Variants in CORIN observed in about 807,000 individuals in gnomAD.
The protein encoded by CORIN is corin, serine peptidase.
A neutral mutation model predicts 125.3 loss-of-function variants in CORIN; 117 were observed. That is an observed-to-expected ratio of 0.93 (90% CI 0.80 to 1.09). CORIN has a LOEUF of 1.09. Ranked by LOEUF, CORIN falls within the 50% of genes least tolerant of loss-of-function variation. The pLI is 0.00. For synonymous variants in CORIN, 450 were observed against 466.4 expected (o/e 0.96, Z 0.45); for missense variants, 1,253 against 1,306.7 (o/e 0.96, Z 0.63).
At chr4:47,763,664 A>C in intron 3 of CORIN, 78 bp from the exon 4 acceptor site, 1 of 1,314,514 alleles carries the variant, frequency 7.6e-7, no homozygotes, top group South Asian at 1.3e-5. Context: ...ATATTTGTTT[A>C]TAAGATAAAG....
chr4:47,814,505 A>G (rs570247954), intron 1 of CORIN, among the ~76,000 whole-genome samples: 1 of 152,176 alleles, frequency 6.6e-6, no homozygotes, highest in African/African-American at 2.4e-5. Flanking sequence ...CTCTGTTCTT[A>G]AGAAATTATG....
At chr4:47,624,094 A>T in intron 17 of CORIN, 146 bp from the exon 18 acceptor site, 1 of 685,200 alleles carries the variant, frequency 1.5e-6, no homozygotes, top group Non-Finnish European at 2.5e-6. Flanking sequence ...ACCACAGGAA[A>T]GCACATTCCT....
intron 1 of CORIN, among the ~76,000 whole-genome samples, chr4:47,815,979 A>G (rs1046681187): frequency 6.6e-6 from 1 of 152,188 alleles, no homozygotes; most frequent in Non-Finnish European, 1.5e-5. Context: ...CACTAATCCT[A>G]TAACAATGGA....
intron 15 of CORIN, chr4:47,642,741 A>G (rs1723286045): frequency 3.3e-6 from 3 of 898,816 alleles, no homozygotes; most frequent in East Asian, 5.4e-5. Context: ...AGACAGTTAG[A>G]AGTCTTGGAC....
chr4:47,717,735 G>T (rs764100963), intron 5 of CORIN, among the ~76,000 whole-genome samples: 1 of 152,094 alleles, frequency 6.6e-6, no homozygotes, highest in Non-Finnish European at 1.5e-5. Flanking sequence ...CCTCTAAAGG[G>T]CATAGCACAG....
intron 16 of CORIN, among the ~76,000 whole-genome samples, chr4:47,629,065 T>C (rs1480027405): frequency 2.0e-5 from 3 of 152,188 alleles, no homozygotes; most frequent in Non-Finnish European, 2.9e-5. Context: ...AGAAGTGGGA[T>C]TGATGGATCA....
intron 12 of CORIN, among the ~76,000 whole-genome samples, chr4:47,657,549 A>G (rs959994026): frequency 5.3e-5 from 8 of 151,668 alleles, no homozygotes; most frequent in African/African-American, 1.9e-4. Flanking sequence ...AAAAAAAAAA[A>G]AAAAGAAAAA....
chr4:47,706,725 C>T lies in CORIN; in HGVS notation c.800-13642G>A, dbSNP rs1417752009. Reference sequence around the variant, plus strand: ...TGTGGGGCTCTGGGAGTCCTGAATTCTTACTGGGTTGGTGAAGATTCCACA... The same window carrying T: ...TGTGGGGCTCTGGGAGTCCTGAATTTTTACTGGGTTGGTGAAGATTCCACA... On this transcript the variant is annotated intron_variant, in intron 5 of 21. Transcript: ENST00000273857. 54 of 1,604,662 alleles carry T rather than the reference C, an allele frequency of 3.4e-5. No homozygotes were observed. The South Asian group carries it at 5.5e-4, about 16-fold the overall frequency.
chr4:47,782,105 C>A (rs1057319766), intron 3 of CORIN, among the ~76,000 whole-genome samples: 2 of 151,986 alleles, frequency 1.3e-5, no homozygotes, highest in African/African-American at 4.8e-5. Flanking sequence ...TGAAAGAAGG[C>A]CAGGCGCAGT....
chr4:47,695,658 T>A (rs993842496), intron 5 of CORIN, among the ~76,000 whole-genome samples: 4 of 152,222 alleles, frequency 2.6e-5, no homozygotes, highest in African/African-American at 9.7e-5. Flanking sequence ...GTTACTGTAT[T>A]CTTGTTCTTT....
intron 1 of CORIN, among the ~76,000 whole-genome samples, chr4:47,833,916 C>A (rs1270763455): frequency 6.6e-6 from 1 of 151,998 alleles, no homozygotes; most frequent in Non-Finnish European, 1.5e-5. Flanking sequence ...GTGTTGGATG[C>A]CAAGAAAATG....
chr4:47,629,215 C>G (rs1290492966), intron 16 of CORIN, among the ~76,000 whole-genome samples: 1 of 152,110 alleles, frequency 6.6e-6, no homozygotes, highest in East Asian at 1.9e-4. Flanking sequence ...TATGTTTTCT[C>G]TTTTTGATGA....
intron 19 of CORIN, among the ~76,000 whole-genome samples, chr4:47,617,414 GC>G (rs1028635208): frequency 5.3e-5 from 8 of 152,164 alleles, no homozygotes; most frequent in African/African-American, 1.9e-4. Flanking sequence ...GTTTCTGAAA[GC>G]CCCCCAAAAC....
chr4:47,732,751 G>A (rs904595189), intron 5 of CORIN, among the ~76,000 whole-genome samples: 5 of 151,980 alleles, frequency 3.3e-5, no homozygotes, highest in African/African-American at 1.2e-4. Context: ...TAGTAGAGAC[G>A]CGGTTTCACT....
chr4:47,820,059 G>T (rs899967745), intron 1 of CORIN, among the ~76,000 whole-genome samples: 2 of 152,052 alleles, frequency 1.3e-5, no homozygotes, highest in African/African-American at 4.8e-5. Context: ...GCCTGACTCC[G>T]GAAAGTGTCA....
At chr4:47,706,025 C>T (rs1049828741) in intron 5 of CORIN, among the ~76,000 whole-genome samples, 1 of 152,188 alleles carries the variant, frequency 6.6e-6, no homozygotes, top group Admixed American at 6.5e-5. Flanking sequence ...TTGCTTTTTA[C>T]ATTCTTATAA....
intron 4 of CORIN, among the ~76,000 whole-genome samples, chr4:47,757,878 GTATATATATATA>G (rs59621469): frequency 4.8e-5 from 6 of 123,926 alleles, no homozygotes; most frequent in Non-Finnish European, 4.9e-5. Flanking sequence ...ATATATATAT[GTATATATATATA>G]TATATATATA....
intron 4 of CORIN, among the ~76,000 whole-genome samples, chr4:47,752,726 G>A (rs960764709): frequency 3.3e-5 from 5 of 151,944 alleles, no homozygotes; most frequent in African/African-American, 1.2e-4. Context: ...AATTAAGATG[G>A]GCATAAATAA....
intron 10 of CORIN, among the ~76,000 whole-genome samples, chr4:47,670,493 T>C (rs1724698769): frequency 6.6e-6 from 1 of 152,176 alleles, no homozygotes; most frequent in African/African-American, 2.4e-5. Flanking sequence ...GAGTAGGAAA[T>C]TGCTAGACCC....
Sources: gnomAD v4.1 joint callset for allele counts (sites outside exome capture counted in the v4.1 genomes callset) on GRCh38, gnomAD v4.1.1 for gene constraint, MANE v1.5 for transcripts, NCBI Gene and HGNC (gene_info 2026-07-23, HGNC 2026-07-21) for gene names.